GRK6: variants seen among roughly 807,000 people sequenced by gnomAD.
The protein encoded by GRK6 is G protein-coupled receptor kinase 6.
GRK6 carries 37 observed loss-of-function variants against 80.8 expected under a neutral mutation model. The ratio of observed to expected loss-of-function variants is 0.46; its 90% confidence interval spans 0.35 to 0.60. The LOEUF is 0.60. GRK6 is among the 20% of genes least tolerant of loss of function. The pLI is 0.00. For missense variants in GRK6, 560 were observed against 784.6 expected (o/e 0.71, Z 3.42); for synonymous variants, 295 against 320.9 (o/e 0.92, Z 0.86).
chr5:177,433,336 C>A lies in GRK6; in HGVS notation c.534-11C>A, dbSNP rs369002736. Reference sequence around the variant, plus strand: ...CTCAGCCAGCGTTTGCTTCCCCACCCCTTGCCACAGGCAGCCAGTGACCAA... The same window carrying A: ...CTCAGCCAGCGTTTGCTTCCCCACCACTTGCCACAGGCAGCCAGTGACCAA... On this transcript the variant is annotated splice_polypyrimidine_tract_variant and intron_variant, in intron 6 of 15. Transcript: ENST00000355472. The A allele has an allele frequency of 5.8e-5, 93 of 1,613,894 alleles. No homozygotes were observed. Among genetic ancestry groups the A allele is most frequent in the Non-Finnish European group, 7.8e-5 (92 of 1,179,916 alleles).
rs1763790082 is a variant in GRK6 at position 177,429,287 on chromosome 5, G to T, written c.53-1585G>T. Among the ~76,000 whole-genome samples, 2 of 152,172 alleles carry T rather than the reference G, an allele frequency of 1.3e-5. No individual in the cohort carries two copies. The highest frequency in any genetic ancestry group is 1.5e-5 in the Non-Finnish European group (1 of 68,032). ...GGGAGGGGGCCCAGGGACACTGAAA[G>T]GGGACAGGGAGGGTGGGGAAGAGCT... On this transcript the variant is annotated intron_variant, in intron 1 of 15. Transcript: ENST00000355472. This position sits in a 1 kb window ranked among gnomAD's most constrained non-coding sequence, Gnocchi z 4.3.
chr5:177,438,181 C>A (rs1764258394), intron 13 of GRK6, among the ~76,000 whole-genome samples: 1 of 152,130 alleles, frequency 6.6e-6, no homozygotes, highest in African/African-American at 2.4e-5. Context: ...CCAGCCTGAC[C>A]AACATGGAGA....
At chr5:177,426,583 G>A (rs1763678947), upstream of GRK6, 1 of 152,070 alleles carries the variant, frequency 6.6e-6, no homozygotes, top group South Asian at 2.1e-4. Flanking sequence ...TGGGAAGACG[G>A]CGCGGGGAGC....
rs1763998290 is a variant in GRK6 at position 177,433,382 on chromosome 5, G to A, written c.569G>A (p.Arg190Gln). ...PVTKNTFRQYRVLGKGGFGEV... is the reference protein window; with the variant it reads ...PVTKNTFRQYQVLGKGGFGEV... The stretch of plus-strand genomic sequence containing the variant: ...ACCAAAAACACCTTCAGGCAATACC[G>A]AGTCCTGGGCAAAGGTGGCTTTGGG... Residue 190 changes from arginine to glutamine, a missense_variant, in exon 7 of 16, where the codon CGA becomes CAA. Around this residue, in one of 3 missense-constraint regions of GRK6, gnomAD observed 77 missense variants for 156.9 expected, o/e 0.49. Transcript: ENST00000355472. 2 of 1,613,918 alleles carry A rather than the reference G, an allele frequency of 1.2e-6. No individual in the cohort carries two copies. The highest frequency in any genetic ancestry group is 1.7e-6 in the Non-Finnish European group (2 of 1,179,892).
At chr5:177,441,136 C>A in intron 15 of GRK6, 83 bp downstream of exon 15, 1 of 1,553,448 alleles carries the variant, frequency 6.4e-7, no homozygotes, top group Non-Finnish European at 8.8e-7. Context: ...TGCCCGCATG[C>A]GCTGGGAGTG....
Position 177,428,022 on chromosome 5 carries a change from T to C in GRK6, c.52+1125T>C, listed in dbSNP as rs1396464419. 6.6e-6 allele frequency among the ~76,000 whole-genome samples: 1 copy of C among 152,248 alleles called. No homozygotes were observed. The highest frequency in any genetic ancestry group is 2.4e-5 in the African/African-American group (1 of 41,470). ...CCCAGAGGAACTTTCAGCTGGGTGC[T>C]ACACCTGGCACCCCGTGCCCACCAA... On this transcript the variant is annotated intron_variant, in intron 1 of 15. Coordinates refer to ENST00000355472, the MANE Select transcript of GRK6 (RefSeq NM_001004106.3). This position sits in a 1 kb window ranked among gnomAD's most constrained non-coding sequence, Gnocchi z 4.1.
intron 13 of GRK6, 199 bp downstream of exon 13, chr5:177,436,729 G>T: frequency 1.7e-6 from 1 of 588,438 alleles, no homozygotes; most frequent in Non-Finnish European, 2.9e-6. Flanking sequence ...GATGGGGCTT[G>T]GAGCCTCTGA....
chr5:177,440,271 T>G, intron 13 of GRK6, among the ~76,000 whole-genome samples: 1 of 152,268 alleles, frequency 6.6e-6, no homozygotes, highest in East Asian at 1.9e-4. Flanking sequence ...GTCCTCTGAT[T>G]GGCTGGGAGA....
chr5:177,431,169 C>T (rs745505210), intron 2 of GRK6, among the ~76,000 whole-genome samples: 11 of 152,270 alleles, frequency 7.2e-5, no homozygotes, highest in Middle Eastern at 3.4e-3. Context: ...AGGGTCACAC[C>T]GAGGGTGGTT....
rs781246618 is a variant in GRK6, at chr5:177,432,235, C to A, written c.264C>A (p.Ala88=). ...CTTCTTTGCTTTCCACCCTGCAGGC[C>A]GAGTATGAAGTGACCCCGGATGACA... ...SRCVAFLDGV[A]EYEVTPDDKR... Residue 88 remains alanine, a splice_region_variant and synonymous_variant, in exon 4 of 16, where the codon GCC becomes GCA. Coordinates refer to ENST00000355472, the MANE Select transcript of GRK6 (RefSeq NM_001004106.3). 6.2e-7 allele frequency: 1 copy of A among 1,613,650 alleles called. No individual in the cohort carries two copies. The highest frequency in any genetic ancestry group is 1.7e-5 in the Admixed American group (1 of 60,002).
At chr5:177,434,991 G>A (rs1259224544) in intron 10 of GRK6, 41 bp from the exon 11 acceptor site, 8 of 1,612,974 alleles carry the variant, frequency 5.0e-6, no homozygotes, top group Non-Finnish European at 6.8e-6. Context: ...GCAGAGGCCT[G>A]GCCTGTTAAC....
intron 2 of GRK6, 59 bp downstream of exon 2, chr5:177,431,026 A>T (rs1763868782): frequency 6.8e-7 from 1 of 1,461,136 alleles, no homozygotes; most frequent in South Asian, 1.2e-5. Context: ...GGGCCGGGGG[A>T]GCCTCCCCTG....
chr5:177,432,534 C>T (rs1028441504), intron 4 of GRK6, among the ~76,000 whole-genome samples, 172 bp from the exon 5 acceptor site: 4 of 152,208 alleles, frequency 2.6e-5, no homozygotes, highest in Non-Finnish European at 5.9e-5. Context: ...GGCTCTGCTG[C>T]GCTCTGCCTC....
chr5:177,427,623 T>G (rs565401880), intron 1 of GRK6, among the ~76,000 whole-genome samples: 2 of 152,304 alleles, frequency 1.3e-5, no homozygotes, highest in South Asian at 4.1e-4. Flanking sequence ...ACTTGCTCTG[T>G]GCAGGTCCTG....
intron 8 of GRK6, 38 bp downstream of exon 8, chr5:177,433,714 C>T (rs1764012600): frequency 1.2e-6 from 2 of 1,607,522 alleles, no homozygotes; most frequent in Non-Finnish European, 1.7e-6. Context: ...CCCTTGGCCA[C>T]ACTGGCGCAC....
chr5:177,438,557 C>G (rs1764285093), intron 13 of GRK6: 1 of 152,242 alleles, frequency 6.6e-6, no homozygotes, highest in Non-Finnish European at 1.5e-5. Context: ...TATTGCAGTC[C>G]TGAGGCAGGG....
chr5:177,441,362 C>G, intron 15 of GRK6: 1 of 1,330,412 alleles, frequency 7.5e-7, no homozygotes, highest in Non-Finnish European at 1.0e-6. Context: ...GCCCGCCCCA[C>G]TCCCCCTGCC....
chr5:177,436,198 G>T lies in GRK6; in HGVS notation c.1183G>T (p.Glu395Ter). The change falls in exon 12 of 16, where the codon GAG (glutamate) becomes TAG (stop). Residue 395 changes from glutamate (E) to a stop codon, truncating the protein, a stop_gained. Coordinates refer to ENST00000355472, the MANE Select transcript of GRK6 (RefSeq NM_001004106.3). LOFTEE classifies it high-confidence loss of function. Reference sequence around the variant, plus strand: ...GCAGAGGAAGAAGAAGATCAAGCGGGAGGAGGTGGAGCGGCTGGTGAAGGA... The same window carrying T: ...GCAGAGGAAGAAGAAGATCAAGCGGTAGGAGGTGGAGCGGCTGGTGAAGGA... ...FQQRKKKIKREEVERLVKEVP... is the reference protein window; with the variant it reads ...FQQRKKKIKR The T allele has an allele frequency of 6.2e-7, 1 of 1,614,214 alleles. No homozygotes were observed. The highest frequency in any genetic ancestry group is 8.5e-7 in the Non-Finnish European group (1 of 1,180,036).
chr5:177,434,186 C>A, intron 9 of GRK6, 82 bp downstream of exon 9: 1 of 1,341,354 alleles, frequency 7.5e-7, no homozygotes, highest in East Asian at 2.5e-5. Context: ...GTGGCCAAGG[C>A]TGCCGATCAG....
Sources: allele counts gnomAD v4.1 joint callset (sites outside exome capture counted in the v4.1 genomes callset), GRCh38; gene constraint gnomAD v4.1.1; regional missense constraint gnomAD v4.1.1; non-coding constraint Gnocchi (gnomAD v3.1); transcripts MANE v1.5; gene names NCBI Gene and HGNC (gene_info 2026-07-23, HGNC 2026-07-21).